Variants in MGME1 observed in about 807,000 individuals in gnomAD.
MGME1 encodes the protein mitochondrial genome maintenance exonuclease 1.
MGME1 carries 22 observed loss-of-function variants against 33.0 expected under a neutral mutation model. That is an observed-to-expected ratio of 0.67 (90% CI 0.48 to 0.95). MGME1 has a LOEUF of 0.95. Among genes scored for constraint, MGME1 ranks in the 40% least tolerant of loss-of-function variants. The pLI is 0.00. For synonymous variants in MGME1, 133 were observed against 144.0 expected, an observed-to-expected ratio of 0.92 and a Z score of 0.55; for missense variants, 383 against 397.8, an observed-to-expected ratio of 0.96 and a Z score of 0.32.
intron 2 of MGME1, among the ~76,000 whole-genome samples, chr20:17,970,779 G>A (rs1018864925): frequency 2.6e-5 from 4 of 152,170 alleles, no homozygotes; most frequent in African/African-American, 9.7e-5. Context: ...ACTTATTAGC[G>A]TAAACTGACT....
Position 17,969,030 on chromosome 20 carries a change from C to G in MGME1, c.-171C>G, listed in dbSNP as rs2035636703. On this transcript the variant is annotated 5_prime_UTR_variant, in exon 1 of 5. Transcript: ENST00000377710. Reference sequence around the variant, plus strand: ...AGCGCCGCGGGGCATTCTGGACCTGCTTTGCCTTAGGCTGTGCCTAATTCG... The same window carrying G: ...AGCGCCGCGGGGCATTCTGGACCTGGTTTGCCTTAGGCTGTGCCTAATTCG... 6.5e-6 allele frequency: 1 copy of G among 153,488 alleles called. No individual in the cohort carries two copies. The allele number at this position is 153,488 out of a possible 1,614,324, so 9.5% of individuals were successfully genotyped here. A position where few individuals can be genotyped will look rare whatever the true frequency, so the allele number is the denominator to read the frequency against.
At chr20:17,973,634 C>A in intron 2 of MGME1, among the ~76,000 whole-genome samples, 1 of 89,672 alleles carries the variant, frequency 1.1e-5, no homozygotes, top group Non-Finnish European at 2.1e-5. Context: ...AAGTAAGACC[C>A]TGTCTCAAAA....
At chr20:17,984,421 G>A (rs998519194) in intron 3 of MGME1, among the ~76,000 whole-genome samples, 3 of 152,110 alleles carry the variant, frequency 2.0e-5, no homozygotes, top group African/African-American at 7.2e-5. Context: ...ATCTAGTGAT[G>A]TTATGTTATA....
intron 3 of MGME1, among the ~76,000 whole-genome samples, chr20:17,985,809 C>T (rs2036140680): frequency 6.6e-6 from 1 of 152,198 alleles, no homozygotes; most frequent in South Asian, 2.1e-4. Context: ...GAGCAAAGGT[C>T]TGGGTGTGTA....
At chr20:17,983,645 A>C (rs1253180932) in intron 3 of MGME1, among the ~76,000 whole-genome samples, 1 of 152,192 alleles carries the variant, frequency 6.6e-6, no homozygotes, top group Non-Finnish European at 1.5e-5. Flanking sequence ...TCTAACAGGC[A>C]TGAGGTAATA....
upstream of MGME1, chr20:17,968,945 T>G (rs189315769): frequency 7.2e-4 from 113 of 155,928 alleles, no homozygotes; most frequent in Middle Eastern, 3.3e-3. Flanking sequence ...GGAGAGGTAC[T>G]CCCTGCCTCT....
chr20:17,988,567 G>T (rs563887809), intron 4 of MGME1, among the ~76,000 whole-genome samples: 1 of 150,844 alleles, frequency 6.6e-6, no homozygotes, highest in African/African-American at 2.4e-5. Flanking sequence ...GCTTGAACCC[G>T]CGAGGTGGAG....
At chr20:17,968,888 C>G (rs574410401), upstream of MGME1, 22 of 160,822 alleles carry the variant, frequency 1.4e-4, no homozygotes, top group Middle Eastern at 3.0e-3. Flanking sequence ...AGCAGAAGGG[C>G]GCGATTTGGA....
At chr20:17,972,733 A>G (rs370481172) in intron 2 of MGME1, 5 of 985,440 alleles carry the variant, frequency 5.1e-6, no homozygotes, top group South Asian at 4.7e-5. Flanking sequence ...TCATGTGTAT[A>G]TGAAGAACCT....
upstream of MGME1, chr20:17,968,632 C>G (rs1001632730): frequency 5.0e-5 from 31 of 620,302 alleles, no homozygotes; most frequent in African/African-American, 7.7e-5. Context: ...CGTGCTCCCC[C>G]AGAGCAGCCT....
At chr20:17,977,657 T>C (rs572685743) in intron 3 of MGME1, among the ~76,000 whole-genome samples, 1 of 152,314 alleles carries the variant, frequency 6.6e-6, no homozygotes, top group South Asian at 2.1e-4. Flanking sequence ...ATCGATACTA[T>C]CTTTAAAGCA....
chr20:17,981,648 CGTG>C (rs993166808), intron 3 of MGME1, among the ~76,000 whole-genome samples: 4 of 139,696 alleles, frequency 2.9e-5, no homozygotes, highest in African/African-American at 5.4e-5. Flanking sequence ...ATCTACTACT[CGTG>C]TGTGTGTGTG....
intron 4 of MGME1, 37 bp from the exon 5 acceptor site, chr20:17,989,902 T>C (rs1415913210): frequency 6.2e-7 from 1 of 1,601,484 alleles, no homozygotes. Context: ...CTGGACCTAC[T>C]GTAGTGAAAC....
In MGME1 at chr20:17,975,999, G is replaced by A. The variant is rs1057216228; in HGVS notation, c.731+96G>A. Reference sequence around the variant, plus strand: ...GTACTGTAGCCTCTGTCTGTTTAATGTCCAGACCTTTGTGCTAGGTAAAAG... The same window carrying A: ...GTACTGTAGCCTCTGTCTGTTTAATATCCAGACCTTTGTGCTAGGTAAAAG... On this transcript the variant is annotated intron_variant, in intron 3 of 4. Coordinates refer to ENST00000377710, the MANE Select transcript of MGME1 (RefSeq NM_052865.4). The A allele has an allele frequency of 6.1e-5, 61 of 998,608 alleles. No homozygotes were observed. In the African/African-American group the frequency reaches 8.7e-4, roughly 14 times the overall value. 61.9% of individuals were successfully genotyped at this position (998,608 alleles called of 1,614,324 possible). A position where few individuals can be genotyped will look rare whatever the true frequency, so the allele number is the denominator to read the frequency against.
At chr20:17,978,027 A>G (rs1017275863) in intron 3 of MGME1, among the ~76,000 whole-genome samples, 4 of 152,222 alleles carry the variant, frequency 2.6e-5, no homozygotes, top group African/African-American at 9.7e-5. Flanking sequence ...AGCCCAATAC[A>G]AATTCGTAAA....
intron 3 of MGME1, among the ~76,000 whole-genome samples, chr20:17,980,053 T>G (rs1398688974): frequency 1.3e-5 from 2 of 151,912 alleles, no homozygotes; most frequent in Admixed American, 6.6e-5. Context: ...GAGAAGGAGT[T>G]TTGCTGTTGT....
At chr20:17,985,278 C>T (rs539025873) in intron 3 of MGME1, among the ~76,000 whole-genome samples, 2 of 152,094 alleles carry the variant, frequency 1.3e-5, no homozygotes, top group East Asian at 1.9e-4. Context: ...ACAAAATTAG[C>T]CAAGCGTGGT....
In MGME1 at chr20:17,988,186, A is replaced by G. The variant is rs1174314507; in HGVS notation, c.752A>G (p.Asp251Gly). 1 of 1,613,818 alleles carries G rather than the reference A, an allele frequency of 6.2e-7. No homozygotes were observed. The highest frequency in any genetic ancestry group is 1.7e-5 in the Admixed American group (1 of 59,964). ...TTTAGGGGCAAGCTCTGTGTGATTG[A>G]TTGGAAGACATCAGAGAAACCAAAG... ...AEYQGKLCVIDWKTSEKPKPF... is the reference protein window; with the variant it reads ...AEYQGKLCVIGWKTSEKPKPF... Residue 251 changes from aspartate to glycine, a missense_variant, in exon 4 of 5, where the codon GAT (aspartate) becomes GGT (glycine). By Grantham distance (94) the Asp-to-Gly change is moderately conservative. Transcript: ENST00000377710.
chr20:17,970,135 G>A lies in MGME1; in HGVS notation c.276G>A (p.Glu92=). ...AGCATAAGCTGCCAAACCAAGGTGA[G>A]GACAGACGAGTGCCACAAAACTGGT... is the stretch of plus-strand genomic sequence containing the variant. ...VSKHKLPNQG[E]DRRVPQNWFP... is the part of the protein sequence containing the mutation. The change falls in exon 2 of 5, where the codon GAG becomes GAA. Residue 92 remains glutamate (E), a synonymous_variant. Coordinates refer to ENST00000377710, the MANE Select transcript of MGME1 (RefSeq NM_052865.4). The A allele has an allele frequency of 6.2e-7, 1 of 1,614,218 alleles. No individual in the cohort carries two copies. The highest frequency in any genetic ancestry group is 8.5e-7 in the Non-Finnish European group (1 of 1,180,048).
Sources: gnomAD v4.1 joint callset for allele counts (sites outside exome capture counted in the v4.1 genomes callset) on GRCh38, gnomAD v4.1.1 for gene constraint, MANE v1.5 for transcripts, NCBI Gene and HGNC (gene_info 2026-07-23, HGNC 2026-07-21) for gene names.